NELL1: variants seen among roughly 807,000 people sequenced by gnomAD.
NELL1 encodes the protein protein kinase C-binding protein NELL1.
A neutral mutation model predicts 107.4 loss-of-function variants in NELL1; 76 were observed. That is an observed-to-expected ratio of 0.71 (90% CI 0.59 to 0.86). NELL1 has a LOEUF of 0.86. Among genes scored for constraint, NELL1 ranks in the 40% least tolerant of loss-of-function variants. NELL1 has a pLI of 0.00. For missense variants in NELL1, 1,024 were observed against 1,005.5 expected (o/e 1.02, Z -0.25); for synonymous variants, 353 against 341.2 (o/e 1.03, Z -0.38).
chr11:20,734,645 C>A (rs898569539), intron 2 of NELL1, among the ~76,000 whole-genome samples: 1 of 152,148 alleles, frequency 6.6e-6, no homozygotes, highest in Non-Finnish European at 1.5e-5. Context: ...ATCATTCAGT[C>A]ATCTAAGGTC....
intron 3 of NELL1, among the ~76,000 whole-genome samples, chr11:20,797,668 T>C (rs1036932590): frequency 6.7e-6 from 1 of 149,564 alleles, no homozygotes; most frequent in Admixed American, 6.7e-5. Context: ...ATAATGGTGG[T>C]GCCAATTGAG....
intron 17 of NELL1, among the ~76,000 whole-genome samples, chr11:21,565,546 G>A (rs913834022): frequency 6.6e-5 from 10 of 151,866 alleles, no homozygotes; most frequent in Admixed American, 6.6e-4. Flanking sequence ...TAGTTCCCAG[G>A]AGATGGTAAT....
chr11:21,131,265 A>T (rs1361360181), intron 13 of NELL1, among the ~76,000 whole-genome samples: 1 of 152,202 alleles, frequency 6.6e-6, no homozygotes, highest in Non-Finnish European at 1.5e-5. Context: ...CTCTGGATAT[A>T]GTTGTTTGGA....
At chr11:21,081,292 A>G (rs1338067714) in intron 12 of NELL1, among the ~76,000 whole-genome samples, 2 of 152,004 alleles carry the variant, frequency 1.3e-5, no homozygotes, top group African/African-American at 4.8e-5. Context: ...CACCTTTCTA[A>G]TTACCCTTTT....
chr11:21,422,361 T>C (rs1852701009), intron 15 of NELL1, among the ~76,000 whole-genome samples: 1 of 152,298 alleles, frequency 6.6e-6, no homozygotes, highest in Middle Eastern at 3.4e-3. Flanking sequence ...AACTCCATTT[T>C]TTAATTTTAC....
intron 14 of NELL1, among the ~76,000 whole-genome samples, chr11:21,332,784 A>G (rs906886454): frequency 6.6e-6 from 1 of 151,954 alleles, no homozygotes; most frequent in Non-Finnish European, 1.5e-5. Context: ...TAATTTTTAT[A>G]TAACTGAAAT....
rs1351858061 is a variant in NELL1, at chr11:21,201,330, T to C, written c.1427-28002T>C. 2.0e-5 allele frequency among the ~76,000 whole-genome samples: 3 copies of C among 152,192 alleles called. No individual in the cohort carries two copies. The East Asian group carries it at 5.8e-4, about 29-fold the overall frequency. On this transcript the variant is annotated intron_variant, in intron 13 of 19. Coordinates refer to ENST00000357134, the MANE Select transcript of NELL1 (RefSeq NM_006157.5). ...TTGAGTAGCGGTTTGTAGTTCTCCT[T>C]GAAGAGGTCCTTCACATCTCTTGTA...
chr11:21,289,467 A>C (rs1271508127), intron 14 of NELL1, among the ~76,000 whole-genome samples: 2 of 152,222 alleles, frequency 1.3e-5, no homozygotes, highest in South Asian at 2.1e-4. Flanking sequence ...CGTGAGGAAC[A>C]GTGCATTCTG....
At chr11:21,398,397 T>A (rs895945497) in intron 15 of NELL1, among the ~76,000 whole-genome samples, 1 of 151,784 alleles carries the variant, frequency 6.6e-6, no homozygotes, top group Non-Finnish European at 1.5e-5. Flanking sequence ...CCGTCAGCTC[T>A]TCTGTTGGGT....
intron 14 of NELL1, among the ~76,000 whole-genome samples, chr11:21,280,631 G>A (rs1184307784): frequency 6.6e-6 from 1 of 152,086 alleles, no homozygotes; most frequent in Non-Finnish European, 1.5e-5. Context: ...AGCCCACGGA[G>A]GGAGTATTTA....
chr11:21,176,726 G>T (rs1212314730), intron 13 of NELL1, among the ~76,000 whole-genome samples: 1 of 151,702 alleles, frequency 6.6e-6, no homozygotes, highest in African/African-American at 2.4e-5. Context: ...AGTGAGCATG[G>T]GTCCTCTCTT....
chr11:20,856,399 G>A (rs138702944), intron 4 of NELL1, among the ~76,000 whole-genome samples: 93 of 152,288 alleles, frequency 6.1e-4, no homozygotes, highest in Middle Eastern at 3.4e-3. Flanking sequence ...ATGCCATGTC[G>A]CATCCCTACT....
At chr11:20,780,821 A>C (rs2133979622) in intron 2 of NELL1, among the ~76,000 whole-genome samples, 1 of 152,224 alleles carries the variant, frequency 6.6e-6, no homozygotes, top group South Asian at 2.1e-4. Flanking sequence ...ACAAGCATGA[A>C]GATCTGAGGT....
intron 3 of NELL1, among the ~76,000 whole-genome samples, chr11:20,816,090 T>C (rs563614222): frequency 1.3e-5 from 2 of 152,354 alleles, no homozygotes; most frequent in East Asian, 3.9e-4. Flanking sequence ...GGTAATGTGA[T>C]GCCTTCAGCT....
chr11:21,382,610 T>A (rs1351810235), intron 15 of NELL1, among the ~76,000 whole-genome samples: 1 of 151,886 alleles, frequency 6.6e-6, no homozygotes, highest in Admixed American at 6.6e-5. Context: ...TTAACAAGAA[T>A]AGAATAGAAA....
rs1464233713 is a variant in NELL1, at chr11:21,320,638, G to A, written c.1550-50215G>A. 1.3e-4 allele frequency among the ~76,000 whole-genome samples: 20 copies of A among 152,234 alleles called. No homozygotes were observed. In the East Asian group the frequency reaches 3.7e-3, roughly 28 times the overall value. Reference sequence around the variant, plus strand: ...TGCTGTTTATTCCATCAGGGCTGAGGCTCTTAATTGCTCTCTTAGAATCTC... The same window carrying A: ...TGCTGTTTATTCCATCAGGGCTGAGACTCTTAATTGCTCTCTTAGAATCTC... On this transcript the variant is annotated intron_variant, in intron 14 of 19. Coordinates refer to ENST00000357134, the MANE Select transcript of NELL1 (RefSeq NM_006157.5).
At chr11:21,505,982 T>C (rs1172591729) in intron 15 of NELL1, among the ~76,000 whole-genome samples, 1 of 152,172 alleles carries the variant, frequency 6.6e-6, no homozygotes, top group Non-Finnish European at 1.5e-5. Flanking sequence ...AAAATATCTG[T>C]TTAGTTCAGA....
At chr11:21,132,145 G>A (rs1215131557) in intron 13 of NELL1, among the ~76,000 whole-genome samples, 1 of 152,116 alleles carries the variant, frequency 6.6e-6, no homozygotes, top group South Asian at 2.1e-4. Context: ...ATGATAACAG[G>A]TTCCAGTTGT....
At chr11:21,052,167 A>G (rs1853508692) in intron 12 of NELL1, among the ~76,000 whole-genome samples, 1 of 152,072 alleles carries the variant, frequency 6.6e-6, no homozygotes, top group Non-Finnish European at 1.5e-5. Flanking sequence ...ATGAACAACC[A>G]GGAGACCATT....
Sources: gnomAD v4.1 joint callset for allele counts (sites outside exome capture counted in the v4.1 genomes callset) on GRCh38, gnomAD v4.1.1 for gene constraint, MANE v1.5 for transcripts, NCBI Gene and HGNC (gene_info 2026-07-23, HGNC 2026-07-21) for gene names.